The following DIXDC1 variants were observed in gnomAD, a reference collection of about 807,000 sequenced individuals.
DIXDC1 encodes the protein dixin.
A neutral mutation model predicts 103.1 loss-of-function variants in DIXDC1; 64 were observed. The observed-to-expected ratio is 0.62, with a 90% CI of 0.51 to 0.76. The LOEUF is 0.76. Among genes scored for constraint, DIXDC1 ranks in the 30% least tolerant of loss-of-function variants. DIXDC1 has a pLI of 0.00. For missense variants in DIXDC1, 759 were observed against 834.2 expected (o/e 0.91, Z 1.11); for synonymous variants, 266 against 298.5 (o/e 0.89, Z 1.12).
chr11:112,006,132 T>A (rs1002246176), intron 17 of DIXDC1, among the ~76,000 whole-genome samples: 1 of 152,192 alleles, frequency 6.6e-6, no homozygotes, highest in South Asian at 2.1e-4. Flanking sequence ...CAGGAGCTAC[T>A]ATCCAGTGCC....
intron 6 of DIXDC1, among the ~76,000 whole-genome samples, chr11:111,981,312 T>C (rs1860299491): frequency 6.6e-6 from 1 of 151,860 alleles, no homozygotes; most frequent in South Asian, 2.1e-4. Context: ...CCACAAAGAG[T>C]TCCCTTTGTT....
At chr11:111,966,862 C>T (rs1476844733) in intron 2 of DIXDC1, among the ~76,000 whole-genome samples, 1 of 152,220 alleles carries the variant, frequency 6.6e-6, no homozygotes, top group Non-Finnish European at 1.5e-5. Flanking sequence ...CTGAAACCGC[C>T]TTCCTCAAGG....
intron 1 of DIXDC1, chr11:111,946,838 T>C: frequency 4.8e-6 from 2 of 412,696 alleles, no homozygotes; most frequent in East Asian, 5.8e-5. Context: ...AGCCTAATTT[T>C]GTTAGAGGCT....
intron 1 of DIXDC1, among the ~76,000 whole-genome samples, chr11:111,956,295 T>G (rs1859363864): frequency 6.6e-6 from 1 of 152,182 alleles, no homozygotes; most frequent in African/African-American, 2.4e-5. Context: ...ATAGATTTGT[T>G]TCACAACAAT....
chr11:111,978,653 A>G (rs1391230129), intron 5 of DIXDC1, among the ~76,000 whole-genome samples: 2 of 152,148 alleles, frequency 1.3e-5, no homozygotes, highest in Non-Finnish European at 2.9e-5. Flanking sequence ...CTTTTAGGAA[A>G]GCAGTTTTCT....
At chr11:111,971,949 A>G (rs1206005084) in intron 3 of DIXDC1, among the ~76,000 whole-genome samples, 1 of 152,162 alleles carries the variant, frequency 6.6e-6, no homozygotes, top group Non-Finnish European at 1.5e-5. Flanking sequence ...GATGGGAACA[A>G]TAGAAACTGG....
At chr11:111,987,266 A>C (rs1860523881) in intron 9 of DIXDC1, among the ~76,000 whole-genome samples, 1 of 151,888 alleles carries the variant, frequency 6.6e-6, no homozygotes, top group African/African-American at 2.4e-5. Flanking sequence ...AAAAAACACC[A>C]TTATGGGACT....
chr11:112,008,523 C>T (rs1861313288), intron 17 of DIXDC1, among the ~76,000 whole-genome samples: 4 of 152,200 alleles, frequency 2.6e-5, no homozygotes, highest in Admixed American at 2.6e-4. Context: ...AGCACCACAT[C>T]ACACTTATTC....
chr11:111,975,266 C>T (rs1380312734), intron 5 of DIXDC1: 2 of 1,229,144 alleles, frequency 1.6e-6, no homozygotes, highest in Admixed American at 3.5e-5. Flanking sequence ...CTGTCAGGGC[C>T]CAGTCCAGTG....
chr11:111,937,545 G>T lies in DIXDC1; in HGVS notation c.46G>T (p.Glu16Ter). 6.3e-7 allele frequency: 1 copy of T among 1,594,262 alleles called. No individual in the cohort carries two copies. The highest frequency in any genetic ancestry group is 8.5e-7 in the Non-Finnish European group (1 of 1,170,782). The change falls in exon 1 of 20, where the codon GAG becomes TAG. Residue 16 changes from glutamate (E) to a stop codon, truncating the protein, a stop_gained. Transcript: ENST00000440460. LOFTEE classifies it high-confidence loss of function. Reference sequence around the variant, plus strand: ...AGGGAACTTACTGGACGTCCTGCAGGAGGGCTTCAATGAGGTAACTGTCCT... The same window carrying T: ...AGGGAACTTACTGGACGTCCTGCAGTAGGGCTTCAATGAGGTAACTGTCCT... ...TRGNLLDVLQ[E>*]GFNEQQLQAY...
At chr11:111,957,940 C>T (rs1056974114) in intron 1 of DIXDC1, among the ~76,000 whole-genome samples, 74 of 152,234 alleles carry the variant, frequency 4.9e-4, no homozygotes, top group Non-Finnish European at 5.9e-5. Context: ...GCGGCACGCT[C>T]CACAGAGCTG....
chr11:111,995,503 G>A lies in DIXDC1; in HGVS notation c.1628G>A (p.Gly543Asp). ...QHHTIDSLEQGISSLMERLHV... is the reference protein window; with the variant it reads ...QHHTIDSLEQDISSLMERLHV... ...CACACTATTGACAGCTTGGAGCAGG[G>A]CATTTCTAGCCTCATGGAGCGCCTG... The change falls in exon 16 of 20, where the codon GGC (glycine) becomes GAC (aspartate). Residue 543 changes from glycine (G) to aspartate (D), a missense_variant. Physicochemically the swap from Gly to Asp is moderately conservative, Grantham distance 94 (BLOSUM62 -1). Coordinates refer to ENST00000440460, the MANE Select transcript of DIXDC1 (RefSeq NM_001037954.4). The A allele has an allele frequency of 6.2e-7, 1 of 1,613,944 alleles. No individual in the cohort carries two copies. Among genetic ancestry groups the A allele is most frequent in the African/African-American group, 1.3e-5 (1 of 75,046 alleles).
chr11:111,934,259 C>T (rs1966126714), upstream of DIXDC1, among the ~76,000 whole-genome samples: 1 of 152,178 alleles, frequency 6.6e-6, no homozygotes. Context: ...GTTTGGCACA[C>T]AGTAAAAGCT....
upstream of DIXDC1, among the ~76,000 whole-genome samples, chr11:111,933,431 G>A (rs1966095449): frequency 1.3e-5 from 2 of 151,914 alleles, no homozygotes; most frequent in Admixed American, 6.6e-5. Flanking sequence ...CACCGCTCCC[G>A]GACCTTTTCT....
intron 8 of DIXDC1, among the ~76,000 whole-genome samples, chr11:111,985,711 C>G (rs1397931256): frequency 6.6e-6 from 1 of 152,062 alleles, no homozygotes; most frequent in African/African-American, 2.4e-5. Flanking sequence ...GTATCTGCCT[C>G]CAGTTCTTCA....
At chr11:111,945,728 A>G (rs1468607201) in intron 1 of DIXDC1, 1 of 152,096 alleles carries the variant, frequency 6.6e-6, no homozygotes, top group Admixed American at 6.5e-5. Context: ...TGGTTCTGTC[A>G]CAGACACATT....
chr11:111,984,906 A>G (rs2137559010), intron 7 of DIXDC1, among the ~76,000 whole-genome samples: 1 of 152,308 alleles, frequency 6.6e-6, no homozygotes, highest in African/African-American at 2.4e-5. Context: ...CTCCCTGGTA[A>G]AATTGAGTTT....
rs1566553550 is a variant in DIXDC1, at chr11:111,996,093, C to T, written c.1703C>T (p.Ser568Leu). Residue 568 changes from serine (S) to leucine (L), a missense_variant, in exon 17 of 20, where the codon TCA becomes TTA. Ser to Leu is a moderately radical substitution (Grantham distance 145). This residue lies in a region of DIXDC1 where 657 missense variants were observed against 727.5 expected (regional missense o/e 0.90). Coordinates refer to ENST00000440460, the MANE Select transcript of DIXDC1 (RefSeq NM_001037954.4). Reference sequence around the variant, plus strand: ...GTGGCTCCCCAGGTTCGGGTCAAGTCACCCAGAACTCAAGTAGGTAGTGAA... The same window carrying T: ...GTGGCTCCCCAGGTTCGGGTCAAGTTACCCAGAACTCAAGTAGGTAGTGAA... The part of the protein sequence containing the change: ...KKQERKVRVK[S>L]PRTQVGSEYR... 1 of 1,613,674 alleles carries T rather than the reference C, an allele frequency of 6.2e-7. No homozygotes were observed. Among genetic ancestry groups the T allele is most frequent in the Non-Finnish European group, 8.5e-7 (1 of 1,179,796 alleles).
At chr11:111,992,273 C>A in intron 10 of DIXDC1, 142 bp from the exon 11 acceptor site, 1 of 678,770 alleles carries the variant, frequency 1.5e-6, no homozygotes, top group Non-Finnish European at 2.4e-6. Context: ...CTCAGCAACT[C>A]GTGGCAAGAC....
Sources: gnomAD v4.1 joint callset for allele counts (sites outside exome capture counted in the v4.1 genomes callset) on GRCh38, gnomAD v4.1.1 for gene constraint, gnomAD v4.1.1 regional missense constraint, MANE v1.5 for transcripts, NCBI Gene and HGNC (gene_info 2026-07-23, HGNC 2026-07-21) for gene names.